Variants in UTP6 observed in about 807,000 individuals in gnomAD.
The protein encoded by UTP6 is UTP6 small subunit processome component, also known as U3 small nucleolar RNA-associated protein 6 homolog.
A neutral mutation model predicts 96.5 loss-of-function variants in UTP6; 60 were observed. The observed-to-expected ratio is 0.62, with a 90% CI of 0.51 to 0.77. UTP6 has a LOEUF of 0.77. UTP6 is among the 30% of genes least tolerant of loss of function. UTP6 has a pLI of 0.00. For synonymous variants in UTP6, 215 were observed against 240.1 expected (o/e 0.90, Z 0.96); for missense variants, 637 against 706.5 (o/e 0.90, Z 1.12).
chr17:31,890,823 C>T (rs1272277475), intron 6 of UTP6, among the ~76,000 whole-genome samples: 5 of 148,316 alleles, frequency 3.4e-5, no homozygotes, highest in African/African-American at 2.5e-5. Flanking sequence ...CCCATCTCTA[C>T]TAAAAATACA....
intron 11 of UTP6, among the ~76,000 whole-genome samples, chr17:31,879,147 T>C (rs1910674293): frequency 6.6e-6 from 1 of 152,198 alleles, no homozygotes; most frequent in Non-Finnish European, 1.5e-5. Flanking sequence ...CCCATCACTT[T>C]GGGAGGCTGA....
intron 13 of UTP6, among the ~76,000 whole-genome samples, chr17:31,875,849 G>T (rs1035194627): frequency 4.7e-5 from 7 of 149,336 alleles, no homozygotes; most frequent in African/African-American, 1.7e-4. Context: ...GAAAAGAAAT[G>T]AGCTATGTGA....
At chr17:31,899,576 C>A (rs1457035419) in intron 2 of UTP6, 70 bp downstream of exon 2, 1 of 1,167,978 alleles carries the variant, frequency 8.6e-7, no homozygotes, top group African/African-American at 1.6e-5. Flanking sequence ...ACCTGGGTGA[C>A]AGAGTGAGAT....
At chr17:31,867,531 G>T (rs887476129) in intron 17 of UTP6, among the ~76,000 whole-genome samples, 10 of 150,104 alleles carry the variant, frequency 6.7e-5, no homozygotes, top group African/African-American at 2.2e-4. Context: ...AAAGTAACAT[G>T]TAAGTTTTCT....
intron 18 of UTP6, 75 bp downstream of exon 18, chr17:31,865,291 G>C: frequency 2.0e-6 from 3 of 1,489,978 alleles, no homozygotes; most frequent in Admixed American, 1.7e-5. Context: ...GGGATTACAG[G>C]CATGAGCCAC....
chr17:31,889,849 A>T (rs8070554), intron 6 of UTP6, among the ~76,000 whole-genome samples: 116,465 of 151,944 alleles, frequency 0.77, 44,985 homozygotes, highest in East Asian at 0.84. Context: ...AGCAGTTCGG[A>T]CAGACAGTTT....
intron 16 of UTP6, among the ~76,000 whole-genome samples, chr17:31,868,721 C>A (rs1368735103): frequency 6.6e-6 from 1 of 152,112 alleles, no homozygotes; most frequent in Non-Finnish European, 1.5e-5. Context: ...TCAGTAATTC[C>A]ATTTCTAGGA....
chr17:31,894,875 T>C, intron 3 of UTP6, 95 bp downstream of exon 3: 2 of 1,321,900 alleles, frequency 1.5e-6, no homozygotes, highest in Non-Finnish European at 2.1e-6. Context: ...CACCACAGTT[T>C]TATCAACACT....
intron 1 of UTP6, chr17:31,901,323 G>A (rs891921975): frequency 1.6e-5 from 9 of 550,836 alleles, no homozygotes; most frequent in African/African-American, 1.3e-4. Context: ...TCCATGAAGG[G>A]CTGTCAAAAC....
chr17:31,889,361 A>G lies in UTP6; in HGVS notation c.467T>C (p.Leu156Ser). The change falls in exon 7 of 19, where the codon TTG becomes TCG. Residue 156 changes from leucine (L) to serine (S), a missense_variant. Leu to Ser is a moderately radical substitution (Grantham distance 145). Transcript: ENST00000261708. Reference protein sequence around the residue: ...MAAKWEMEDRLSSESARQLFL... With the variant: ...MAAKWEMEDRSSSESARQLFL... ...TAGTTGCCTTGCGCTTTCTGAAGAC[A>G]ATCGATCTTCCATTTCCCATTTGGC... is the stretch of plus-strand genomic sequence containing the variant. The G allele has an allele frequency of 6.2e-7, 1 of 1,613,938 alleles. No homozygotes were observed. The highest frequency in any genetic ancestry group is 2.2e-5 in the East Asian group (1 of 44,882).
intron 18 of UTP6, 138 bp from the exon 19 acceptor site, chr17:31,863,654 C>A (rs950322284): frequency 4.8e-5 from 36 of 756,008 alleles, no homozygotes; most frequent in Non-Finnish European, 7.3e-5. Context: ...TTTAACAATA[C>A]CTCTCTTAGC....
intron 13 of UTP6, among the ~76,000 whole-genome samples, chr17:31,876,338 A>G (rs915197741): frequency 1.6e-4 from 24 of 148,122 alleles, no homozygotes; most frequent in African/African-American, 5.4e-4. Flanking sequence ...TGCCCAGCAT[A>G]TAAGTTTTTA....
chr17:31,886,497 C>G (rs977045678), intron 8 of UTP6: 1 of 154,144 alleles, frequency 6.5e-6, no homozygotes, highest in Non-Finnish European at 1.4e-5. Context: ...AACCCCATCT[C>G]TACTAGAAAT....
rs755655166 is a variant in UTP6 at position 31,887,268 on chromosome 17, T to C, written c.589A>G (p.Lys197Glu). The C allele has an allele frequency of 6.2e-7, 1 of 1,614,166 alleles. No individual in the cohort carries two copies. The highest frequency in any genetic ancestry group is 8.5e-7 in the Non-Finnish European group (1 of 1,180,018). The change falls in exon 8 of 19, where the codon AAG becomes GAG. Residue 197 changes from lysine (K) to glutamate (E), a missense_variant. By Grantham distance (56) the Lys-to-Glu change is moderately conservative. Coordinates refer to ENST00000261708, the MANE Select transcript of UTP6 (RefSeq NM_018428.3). Reference sequence around the variant, plus strand: ...ATACTGGCTTTTTCAAATTCTTCCTTCTCCTTCCTCAGTTTTTCAGCATGC... The same window carrying C: ...ATACTGGCTTTTTCAAATTCTTCCTCCTCCTTCCTCAGTTTTTCAGCATGC... ...LMHAEKLRKE[K>E]EEFEKASMDV...
chr17:31,872,375 A>T (rs1187896776), intron 16 of UTP6, among the ~76,000 whole-genome samples: 1 of 151,946 alleles, frequency 6.6e-6, no homozygotes, highest in East Asian at 1.9e-4. Flanking sequence ...GTTCAAAAAA[A>T]AGAAAAAGAA....
intron 17 of UTP6, chr17:31,866,665 G>C (rs1237913325): frequency 2.0e-5 from 3 of 149,438 alleles, no homozygotes; most frequent in Non-Finnish European, 4.4e-5. Flanking sequence ...CTGGGAAGCA[G>C]AGGTTGCAGT....
chr17:31,861,765 T>A lies in UTP6; in HGVS notation c.*1594A>T, dbSNP rs1567772269. 1 of 152,192 alleles carries A rather than the reference T, an allele frequency of 6.6e-6. No individual in the cohort carries two copies. Among genetic ancestry groups the A allele is most frequent in the Non-Finnish European group, 1.5e-5 (1 of 68,030 alleles). 9.4% of individuals were successfully genotyped at this position (152,192 alleles called of 1,614,324 possible). ...GACATATCACATTTCACCTATAAAATGGTAAAAATAAAAGATATAATTACA... is the reference window on the plus strand; with the variant it reads ...GACATATCACATTTCACCTATAAAAAGGTAAAAATAAAAGATATAATTACA... On this transcript the variant is annotated 3_prime_UTR_variant, in exon 19 of 19. Coordinates refer to ENST00000261708, the MANE Select transcript of UTP6 (RefSeq NM_018428.3).
chr17:31,871,165 A>AT (rs1224858068), intron 16 of UTP6, among the ~76,000 whole-genome samples: 7 of 149,006 alleles, frequency 4.7e-5, no homozygotes, highest in East Asian at 4.1e-4. Flanking sequence ...AATTTTTTGT[A>AT]TTTTTTTTAG....
At chr17:31,881,047 G>A (rs534180492) in intron 10 of UTP6, among the ~76,000 whole-genome samples, 1 of 152,164 alleles carries the variant, frequency 6.6e-6, no homozygotes, top group East Asian at 1.9e-4. Flanking sequence ...ATGATGGCAT[G>A]TGACTGTAGT....
Sources: gnomAD v4.1 joint callset for allele counts (sites outside exome capture counted in the v4.1 genomes callset) on GRCh38, gnomAD v4.1.1 for gene constraint, MANE v1.5 for transcripts, NCBI Gene and HGNC (gene_info 2026-07-23, HGNC 2026-07-21) for gene names.